Variants in DIPK1C observed in about 807,000 individuals in gnomAD.
The protein encoded by DIPK1C is familial non-conventional Alzheimer's dementia.
A neutral mutation model predicts 28.0 loss-of-function variants in DIPK1C; 33 were observed. That is an observed-to-expected ratio of 1.18 (90% CI 0.89 to 1.58). The LOEUF is 1.58. Among genes scored for constraint, DIPK1C ranks in the 40% most tolerant of loss-of-function variants. The pLI is 0.00. For synonymous variants in DIPK1C, 255 were observed against 248.8 expected (o/e 1.02, Z -0.23); for missense variants, 569 against 568.5 (o/e 1.00, Z -0.01).
upstream of DIPK1C, among the ~76,000 whole-genome samples, chr18:74,461,224 G>A (rs929456878): frequency 1.3e-5 from 2 of 152,144 alleles, no homozygotes; most frequent in African/African-American, 4.8e-5. Context: ...ATCTGCCCAG[G>A]AACTCAGGAC....
intron 1 of DIPK1C, among the ~76,000 whole-genome samples, chr18:74,455,764 CCAA>C (rs1344636229): frequency 6.9e-6 from 1 of 143,944 alleles, no homozygotes; most frequent in Non-Finnish European, 1.5e-5. Context: ...AAAAACCAAA[CCAA>C]CAACAACAAA....
intron 1 of DIPK1C, among the ~76,000 whole-genome samples, chr18:74,449,696 C>T (rs1986355532): frequency 6.6e-6 from 1 of 152,124 alleles, no homozygotes; most frequent in African/African-American, 2.4e-5. Context: ...GGAACCTCGC[C>T]CTGGAGCTAG....
chr18:74,445,333 G>A (rs187815775), intron 2 of DIPK1C, among the ~76,000 whole-genome samples: 43 of 152,254 alleles, frequency 2.8e-4, no homozygotes, highest in African/African-American at 1.0e-3. Context: ...AGACCTCCTG[G>A]AACCTCCCAG....
intron 1 of DIPK1C, among the ~76,000 whole-genome samples, chr18:74,453,131 T>G (rs1418821895): frequency 1.3e-5 from 2 of 152,226 alleles, no homozygotes; most frequent in Non-Finnish European, 2.9e-5. Flanking sequence ...CAGCACTCTT[T>G]GCAATCATTG....
chr18:74,455,160 A>G (rs1273309941), intron 1 of DIPK1C, among the ~76,000 whole-genome samples: 1 of 152,228 alleles, frequency 6.6e-6, no homozygotes. Flanking sequence ...GCCTCTAAAC[A>G]GAATTGGTTT....
chr18:74,459,676 T>G (rs1266504084), upstream of DIPK1C, among the ~76,000 whole-genome samples: 1 of 152,056 alleles, frequency 6.6e-6, no homozygotes, highest in Non-Finnish European at 1.5e-5. Context: ...GGAAGTAACC[T>G]ACTGTGTGCC....
chr18:74,451,693 C>T (rs1474112340), intron 1 of DIPK1C, among the ~76,000 whole-genome samples: 1 of 152,220 alleles, frequency 6.6e-6, no homozygotes, highest in East Asian at 1.9e-4. Context: ...CTCCCTGACG[C>T]CTGCTTCTTG....
At chr18:74,457,386 G>T, upstream of DIPK1C, 1 of 685,830 alleles carries the variant, frequency 1.5e-6, no homozygotes, top group Non-Finnish European at 1.8e-6. Context: ...CGCGAGGGTT[G>T]GGGCAGGCCC....
At chr18:74,444,131 G>A (rs900675884) in intron 2 of DIPK1C, among the ~76,000 whole-genome samples, 1 of 151,860 alleles carries the variant, frequency 6.6e-6, no homozygotes, top group Admixed American at 6.6e-5. Flanking sequence ...TACCTAACTT[G>A]CCTCATCTTC....
chr18:74,464,376 A>G, the DIPK1C span, among the ~76,000 whole-genome samples: 1 of 152,256 alleles, frequency 6.6e-6, no homozygotes, highest in African/African-American at 2.4e-5. Context: ...TAGAATTTTT[A>G]AAAGCAGTTT....
intron 1 of DIPK1C, among the ~76,000 whole-genome samples, chr18:74,456,195 T>C (rs966163136): frequency 6.6e-6 from 1 of 152,244 alleles, no homozygotes; most frequent in African/African-American, 2.4e-5. Context: ...TTTAGGGGAC[T>C]CCCACCTTTA....
chr18:74,441,050 A>T (rs977675656), intron 3 of DIPK1C, among the ~76,000 whole-genome samples: 1 of 152,114 alleles, frequency 6.6e-6, no homozygotes, highest in Non-Finnish European at 1.5e-5. Flanking sequence ...AGCCTTCCCA[A>T]ATCATCCCCC....
At chr18:74,449,152 T>C (rs1986341034) in intron 1 of DIPK1C, among the ~76,000 whole-genome samples, 1 of 151,400 alleles carries the variant, frequency 6.6e-6, no homozygotes, top group African/African-American at 2.4e-5. Flanking sequence ...AAACTACGAG[T>C]TTTTCATGAC....
chr18:74,449,106 C>T (rs771795520), intron 1 of DIPK1C, among the ~76,000 whole-genome samples: 34 of 151,038 alleles, frequency 2.3e-4, no homozygotes, highest in Non-Finnish European at 2.9e-4. Flanking sequence ...AAGAATCTGT[C>T]TCAAAAAAAA....
At chr18:74,464,106 A>T in the DIPK1C span, among the ~76,000 whole-genome samples, 1 of 152,186 alleles carries the variant, frequency 6.6e-6, no homozygotes, top group Non-Finnish European at 1.5e-5. Flanking sequence ...AGCTCTCCGG[A>T]TGCTGGTGTA....
chr18:74,445,320 C>T (rs572900986), intron 2 of DIPK1C, among the ~76,000 whole-genome samples: 1 of 152,328 alleles, frequency 6.6e-6, no homozygotes, highest in Admixed American at 6.5e-5. Flanking sequence ...CAGCCCAGCA[C>T]ACAGACCTCC....
chr18:74,449,133 A>T (rs1986340134), intron 1 of DIPK1C, among the ~76,000 whole-genome samples: 2 of 152,098 alleles, frequency 1.3e-5, no homozygotes, highest in African/African-American at 4.8e-5. Context: ...AAAGTCAAAA[A>T]GCCTCTGAAA....
In DIPK1C at chr18:74,446,760, G is replaced by T; in HGVS notation, c.722C>A (p.Ala241Asp). ...CTGGCCACCCCCAGGGGCACCTGGG[G>T]CCCGGTCCAGGGGGAAGAGTGCCCT... ...HHRALFPLDRAPGAPGGGQAK... is the reference protein window; with the variant it reads ...HHRALFPLDRDPGAPGGGQAK... Residue 241 changes from alanine (A) to aspartate (D), a missense_variant, in exon 2 of 4, where the codon GCC (alanine) becomes GAC (aspartate). By Grantham distance (126) the Ala-to-Asp change is moderately radical (BLOSUM62 -2). Transcript: ENST00000343998. 1 of 1,524,942 alleles carries T rather than the reference G, an allele frequency of 6.6e-7. No homozygotes were observed. 94.5% of individuals were successfully genotyped at this position (1,524,942 alleles called of 1,614,324 possible).
chr18:74,436,263 A>C lies in DIPK1C; in HGVS notation c.*238T>G. 1 of 536,986 alleles carries C rather than the reference A, an allele frequency of 1.9e-6. No homozygotes were observed. The allele number at this position is 536,986 out of a possible 1,614,324, so 33.3% of individuals were successfully genotyped here. Reference sequence around the variant, plus strand: ...GTCTTCTGACCGAGAGCCCTCCTGAAGGGAGGTCTGTACCTCCTCCCTCAT... The same window carrying C: ...GTCTTCTGACCGAGAGCCCTCCTGACGGGAGGTCTGTACCTCCTCCCTCAT... On this transcript the variant is annotated 3_prime_UTR_variant, in exon 4 of 4. Coordinates refer to ENST00000343998, the MANE Select transcript of DIPK1C (RefSeq NM_001044369.3).
Sources: gnomAD v4.1 joint callset for allele counts (sites outside exome capture counted in the v4.1 genomes callset) on GRCh38, gnomAD v4.1.1 for gene constraint, MANE v1.5 for transcripts, NCBI Gene and HGNC (gene_info 2026-07-23, HGNC 2026-07-21) for gene names.